Variants in TTC7B observed in about 807,000 individuals in gnomAD.
TTC7B encodes tetratricopeptide repeat protein 7B.
TTC7B carries 28 observed loss-of-function variants against 106.8 expected under a neutral mutation model. The observed-to-expected ratio is 0.26, with a 90% CI of 0.19 to 0.36. TTC7B has a LOEUF of 0.36. TTC7B is among the 10% of genes least tolerant of loss of function. The pLI is 1.00. For missense variants in TTC7B, 862 were observed against 1,076.4 expected (o/e 0.80, Z 2.79); for synonymous variants, 405 against 430.6 (o/e 0.94, Z 0.74).
intron 17 of TTC7B, chr14:90,603,370 G>A: frequency 8.9e-7 from 1 of 1,128,284 alleles, no homozygotes. Flanking sequence ...TCAAAATTAA[G>A]ACTAAAAAAG....
At chr14:90,780,686 GC>G (rs1398108915) in intron 3 of TTC7B, 51 bp downstream of exon 3, 2 of 1,579,308 alleles carry the variant, frequency 1.3e-6, no homozygotes, top group Non-Finnish European at 1.7e-6. Context: ...CTCCGAAGAG[GC>G]GCTGCTGGCT....
intron 16 of TTC7B, among the ~76,000 whole-genome samples, chr14:90,616,509 TG>T (rs1247155565): frequency 1.4e-3 from 37 of 26,214 alleles, no homozygotes; most frequent in African/African-American, 3.5e-3. Flanking sequence ...GACTTCCAGC[TG>T]GGGGGGAGGT....
At position 90,808,243 on chromosome 14, in the gene TTC7B, C is replaced by T. The variant is rs933107650; in HGVS notation, c.121+7932G>A. Among the ~76,000 whole-genome samples the T allele has an allele frequency of 4.6e-5, 7 of 151,996 alleles. No homozygotes were observed. Among genetic ancestry groups the T allele is most frequent in the African/African-American group, 1.7e-4 (7 of 41,354 alleles). On this transcript the variant is annotated intron_variant, in intron 1 of 19. Transcript: ENST00000328459. This position sits in a 1 kb window ranked among gnomAD's most constrained non-coding sequence, Gnocchi z 4.2. ...AGAAGATCACTTGAGCCCAGGAGTT[C>T]GAGACCAGAGTGGGCAACATAGGGA... is the stretch of plus-strand genomic sequence containing the variant.
At chr14:90,732,089 G>A (rs1812737576) in intron 4 of TTC7B, among the ~76,000 whole-genome samples, 3 of 152,088 alleles carry the variant, frequency 2.0e-5, no homozygotes, top group Admixed American at 2.0e-4. Flanking sequence ...GTGGACACAT[G>A]TATCAAGCAG....
chr14:90,632,455 A>T (rs1884742365), intron 15 of TTC7B, among the ~76,000 whole-genome samples: 1 of 152,244 alleles, frequency 6.6e-6, no homozygotes, highest in Non-Finnish European at 1.5e-5. Context: ...ATGATTTAAA[A>T]AAAAATTATA....
chr14:90,641,269 C>CAAG (rs1282917562), intron 15 of TTC7B, among the ~76,000 whole-genome samples: 1 of 152,196 alleles, frequency 6.6e-6, no homozygotes, highest in Non-Finnish European at 1.5e-5. Context: ...GCTGCTCCTC[C>CAAG]AAGGGCCTTC....
chr14:90,679,646 C>T (rs975983112), intron 8 of TTC7B, among the ~76,000 whole-genome samples: 7 of 152,170 alleles, frequency 4.6e-5, no homozygotes, highest in Non-Finnish European at 8.8e-5. Context: ...CGCGAGCCCT[C>T]AAGATCTTTT....
At chr14:90,725,051 G>C (rs1233459467) in intron 5 of TTC7B, among the ~76,000 whole-genome samples, 1 of 152,172 alleles carries the variant, frequency 6.6e-6, no homozygotes, top group Non-Finnish European at 1.5e-5. Context: ...CTCTTGAAGA[G>C]GGTTGCATAC....
At chr14:90,749,708 AAT>A (rs1209284104) in intron 3 of TTC7B, among the ~76,000 whole-genome samples, 2 of 152,084 alleles carry the variant, frequency 1.3e-5, no homozygotes. Context: ...CCTGGCCAAT[AAT>A]AATAATTTTT....
intron 16 of TTC7B, among the ~76,000 whole-genome samples, chr14:90,614,699 TTTCTGTAAAATGGAAG>T (rs1893000420): frequency 6.6e-6 from 1 of 152,240 alleles, no homozygotes; most frequent in Non-Finnish European, 1.5e-5. Context: ...TCAATTTTAT[TTTCTGTAAAATGGAAG>T]TAACGGTAGC....
Position 90,593,591 on chromosome 14 carries a change from C to A in TTC7B, c.2002G>T (p.Val668Leu). The stretch of plus-strand genomic sequence containing the variant: ...GCCACTTCCGACAGTGCCTGCTCCA[C>A]TCTTGAGGCTGCTACCGATGTGGCA... ...VHATSVAASR[V>L]EQALSEVASS... The change falls in exon 18 of 20, where the codon GTG becomes TTG. Residue 668 changes from valine to leucine, a missense_variant. Val to Leu is a conservative substitution (Grantham distance 32). Transcript: ENST00000328459. The A allele has an allele frequency of 6.2e-7, 1 of 1,611,662 alleles. No individual in the cohort carries two copies. Among genetic ancestry groups the A allele is most frequent in the Non-Finnish European group, 8.5e-7 (1 of 1,178,562 alleles).
At chr14:90,736,848 C>T (rs1370290147) in intron 4 of TTC7B, among the ~76,000 whole-genome samples, 2 of 148,326 alleles carry the variant, frequency 1.3e-5, no homozygotes, top group African/African-American at 2.5e-5. Flanking sequence ...GCTATGATCA[C>T]CCCACTACAC....
In TTC7B at chr14:90,537,376, G is replaced by GGGGA. The variant is rs1889444279; in HGVS notation, c.*3991_*3992insTCCC. ...TATTTTTTTTTTTTTGTAGAGATGG[G>GGGGA]GGGGGGGTCTCACCATGTTGCCCAG... On this transcript the variant is annotated 3_prime_UTR_variant, in exon 20 of 20. Coordinates refer to ENST00000328459, the MANE Select transcript of TTC7B (RefSeq NM_001010854.2). The GGGGA allele has an allele frequency of 4.3e-5, 1 of 23,260 alleles. No homozygotes were observed. Among genetic ancestry groups the GGGGA allele is most frequent in the African/African-American group, 8.4e-5 (1 of 11,916 alleles). The allele number at this position is 23,260 out of a possible 1,614,324, so 1.4% of individuals were successfully genotyped here.
intron 12 of TTC7B, among the ~76,000 whole-genome samples, chr14:90,654,034 T>A (rs1885843502): frequency 6.6e-6 from 1 of 152,226 alleles, no homozygotes; most frequent in Admixed American, 6.5e-5. Flanking sequence ...ATGCACAACT[T>A]TCCCAGGACC....
intron 3 of TTC7B, among the ~76,000 whole-genome samples, chr14:90,766,062 G>A (rs1365390393): frequency 1.3e-5 from 2 of 151,744 alleles, no homozygotes; most frequent in East Asian, 3.9e-4. Flanking sequence ...GAAAGGCACA[G>A]ACTCAGAGAA....
chr14:90,596,383 T>G (rs1892203233), intron 17 of TTC7B, among the ~76,000 whole-genome samples: 1 of 152,212 alleles, frequency 6.6e-6, no homozygotes, highest in African/African-American at 2.4e-5. Flanking sequence ...ATCAATTAAT[T>G]CCTAGCACAA....
intron 13 of TTC7B, chr14:90,648,337 T>C (rs978633433): frequency 6.6e-6 from 1 of 152,096 alleles, no homozygotes; most frequent in Admixed American, 6.6e-5. Flanking sequence ...CTTTTACATG[T>C]CTTATTTCTC....
intron 17 of TTC7B, among the ~76,000 whole-genome samples, chr14:90,606,331 A>G (rs1368941985): frequency 6.6e-6 from 1 of 152,142 alleles, no homozygotes; most frequent in Admixed American, 6.5e-5. Flanking sequence ...TTCATGTCTT[A>G]CAGCTGGAGA....
chr14:90,681,713 G>C (rs1346434221), intron 7 of TTC7B, among the ~76,000 whole-genome samples: 1 of 152,234 alleles, frequency 6.6e-6, no homozygotes, highest in Non-Finnish European at 1.5e-5. Flanking sequence ...GCCTGAGAAT[G>C]AGGAGCAAGA....
Sources: allele counts gnomAD v4.1 joint callset (sites outside exome capture counted in the v4.1 genomes callset), GRCh38; gene constraint gnomAD v4.1.1; non-coding constraint Gnocchi (gnomAD v3.1); transcripts MANE v1.5; gene names NCBI Gene and HGNC (gene_info 2026-07-23, HGNC 2026-07-21).